Variants in TRMU observed in about 807,000 individuals in gnomAD.
The protein encoded by TRMU is mitochondrial tRNA-specific 2-thiouridylase 1.
TRMU carries 49 observed loss-of-function variants against 46.9 expected under a neutral mutation model. The ratio of observed to expected loss-of-function variants is 1.05; its 90% confidence interval spans 0.83 to 1.33. The LOEUF (loss-of-function observed/expected upper bound fraction) is 1.33. Ranked by LOEUF, TRMU falls within the 40% of genes most tolerant of loss-of-function variation. The pLI is 0.00. For synonymous variants in TRMU, 241 were observed against 200.9 expected, an observed-to-expected ratio of 1.20 and a Z score of -1.69; for missense variants, 572 against 532.4, an observed-to-expected ratio of 1.07 and a Z score of -0.73.
chr22:46,348,043 C>T lies in TRMU; in HGVS notation c.478+1499C>T, dbSNP rs1269247857. ...AGCAGCCCACTCCCGTAAGACAGCCCCCCATTTCAGGAAGACATGGGTTTG... is the reference window on the plus strand; with the variant it reads ...AGCAGCCCACTCCCGTAAGACAGCCTCCCATTTCAGGAAGACATGGGTTTG... On this transcript the variant is annotated intron_variant, in intron 4 of 10. Transcript: ENST00000645190. The surrounding 1 kb of genome is among the most constrained non-coding windows in gnomAD (Gnocchi z 4.8). Among the ~76,000 whole-genome samples the T allele has an allele frequency of 6.6e-6, 1 of 151,640 alleles. No individual in the cohort carries two copies. The highest frequency in any genetic ancestry group is 1.5e-5 in the Non-Finnish European group (1 of 67,838).
In TRMU at chr22:46,338,753, T is replaced by C. The variant is rs183291325; in HGVS notation, c.248+809T>C. ...TTTGGCTGGACTTTTGTTCCTGCAG[T>C]GGAAGGAGTGTAGGGCTCATCCTCT... On this transcript the variant is annotated intron_variant, in intron 2 of 10. Transcript: ENST00000645190. The surrounding 1 kb of genome is among the most constrained non-coding windows in gnomAD (Gnocchi z 4.5). Among the ~76,000 whole-genome samples, 1 of 152,268 alleles carries C rather than the reference T, an allele frequency of 6.6e-6. No individual in the cohort carries two copies. Among genetic ancestry groups the C allele is most frequent in the Non-Finnish European group, 1.5e-5 (1 of 68,016 alleles).
rs12159706 is a variant in TRMU, at chr22:46,352,547, G to A, written c.772+217G>A. On this transcript the variant is annotated intron_variant, in intron 7 of 10. Transcript: ENST00000645190. ...CAGATGTGGCCTCAGCTGAGATGCT[G>A]GAGTTCATGAAAAGCGCGCCTCTGA... The A allele has an allele frequency of 0.022, 13,620 of 622,202 alleles. 1,310 individuals are homozygous for A. The highest frequency in any genetic ancestry group is 0.21 in the African/African-American group (11,426 of 54,388). The allele number at this position is 622,202 out of a possible 1,614,324, so 38.5% of individuals were successfully genotyped here. A position where few individuals can be genotyped will look rare whatever the true frequency, so the allele number is the denominator to read the frequency against.
chr22:46,343,214 T>TTTTTG, intron 2 of TRMU, 48 bp from the exon 3 acceptor site: 1 of 1,308,244 alleles, frequency 7.6e-7, no homozygotes. Flanking sequence ...TTTTTTTTTT[T>TTTTTG]GAGGAATGTT....
At chr22:46,341,155 T>A (rs1355983247) in intron 2 of TRMU, among the ~76,000 whole-genome samples, 1 of 152,372 alleles carries the variant, frequency 6.6e-6, no homozygotes, top group East Asian at 1.9e-4. Flanking sequence ...GCTGGGCTAC[T>A]CCATTGTTTT....
Position 46,350,361 on chromosome 22 carries a change from T to G in TRMU, c.549T>G (p.Asp183Glu), listed in dbSNP as rs575463891. ...TCTTTCTCAGCCAGGTTTCCCAGGA[T>G]GCCCTGAGGAGAACCATCTTCCCTC... ...QTFFLSQVSQ[D>E]ALRRTIFPLG... Residue 183 changes from aspartate (D) to glutamate (E), a missense_variant, in exon 5 of 11, where the codon GAT (aspartate) becomes GAG (glutamate). Asp to Glu is a conservative substitution (Grantham distance 45). Transcript: ENST00000645190. This position sits in a 1 kb window ranked among gnomAD's most constrained non-coding sequence, Gnocchi z 4.6. 1.4e-5 allele frequency: 23 copies of G among 1,614,254 alleles called. No homozygotes were observed. In the East Asian group the frequency reaches 5.1e-4, roughly 36 times the overall value.
At position 46,356,850 on chromosome 22, in the gene TRMU, G is replaced by T. The variant is rs749736371; in HGVS notation, c.1110G>T (p.Val370=). Residue 370 remains valine, a synonymous_variant, in exon 11 of 11, where the codon GTG becomes GTT. Coordinates refer to ENST00000645190, the MANE Select transcript of TRMU (RefSeq NM_018006.5). ...VRALATGQFA[V]FYKGDECLGS... is the part of the protein sequence containing the mutation. Reference sequence around the variant, plus strand: ...GGGTCTCTCCCCTACAGTTTGCTGTGTTCTACAAGGGGGACGAGTGCCTGG... The same window carrying T: ...GGGTCTCTCCCCTACAGTTTGCTGTTTTCTACAAGGGGGACGAGTGCCTGG... 6.2e-7 allele frequency: 1 copy of T among 1,613,286 alleles called. No individual in the cohort carries two copies.
Position 46,336,169 on chromosome 22 carries a change from C to T in TRMU, c.82+323C>T. The stretch of plus-strand genomic sequence containing the variant: ...AGGGTTTCTCACGGATCTGCGGCGT[C>T]CACATTCACCTGTGAGACCGTGGAC... On this transcript the variant is annotated intron_variant, in intron 1 of 10. Coordinates refer to ENST00000645190, the MANE Select transcript of TRMU (RefSeq NM_018006.5). This position sits in a 1 kb window ranked among gnomAD's most constrained non-coding sequence, Gnocchi z 4.1. 1.6e-6 allele frequency: 2 copies of T among 1,238,524 alleles called. No individual in the cohort carries two copies. Among genetic ancestry groups the T allele is most frequent in the African/African-American group, 1.6e-5 (1 of 62,016 alleles). The allele number at this position is 1,238,524 out of a possible 1,614,324, so 76.7% of individuals were successfully genotyped here.
intron 1 of TRMU, 129 bp from the exon 2 acceptor site, chr22:46,337,650 C>T: frequency 1.6e-6 from 2 of 1,213,580 alleles, no homozygotes. Flanking sequence ...AAAGCAGGGA[C>T]TGCCCGGCAG....
At chr22:46,337,735 A>G in intron 1 of TRMU, 44 bp from the exon 2 acceptor site, 1 of 1,612,738 alleles carries the variant, frequency 6.2e-7, no homozygotes, top group Non-Finnish European at 8.5e-7. Flanking sequence ...GTTTTACCGA[A>G]GGTTGATTTA....
intron 7 of TRMU, chr22:46,352,620 A>C (rs912458065): frequency 5.8e-5 from 30 of 518,678 alleles, no homozygotes; most frequent in Non-Finnish European, 9.5e-5. Flanking sequence ...CCCTGTAAAA[A>C]GAATGATTTC....
Position 46,352,210 on chromosome 22 carries a change from G to A in TRMU, c.705+36G>A, listed in dbSNP as rs775037018. The A allele has an allele frequency of 9.9e-6, 16 of 1,614,022 alleles. No individual in the cohort carries two copies. In the African/African-American group the frequency reaches 2.1e-4, roughly 22 times the overall value. ...CTCTTTGACACAAAGAGATGGGGCT[G>A]CGTGTCTGCCCTGGGCCTAGATCTC... On this transcript the variant is annotated intron_variant, in intron 6 of 10. Transcript: ENST00000645190.
At chr22:46,341,501 T>C (rs2078122212) in intron 2 of TRMU, among the ~76,000 whole-genome samples, 1 of 152,096 alleles carries the variant, frequency 6.6e-6, no homozygotes. Flanking sequence ...GTGGAAGATA[T>C]CCAAGGAACC....
chr22:46,337,531 G>C (rs1244013900), intron 1 of TRMU, among the ~76,000 whole-genome samples: 1 of 152,162 alleles, frequency 6.6e-6, no homozygotes, highest in Non-Finnish European at 1.5e-5. Context: ...CCTCCTGCTA[G>C]GTATTGTGCT....
intron 2 of TRMU, among the ~76,000 whole-genome samples, chr22:46,341,161 G>A (rs1416660666): frequency 2.6e-5 from 4 of 152,176 alleles, no homozygotes; most frequent in Non-Finnish European, 4.4e-5. Flanking sequence ...CTACTCCATT[G>A]TTTTTGCTAA....
chr22:46,336,090 A>T lies in TRMU; in HGVS notation c.82+244A>T. ...AGCAGTTCCGCGCCCCTCTCCACCC[A>T]CGCGCGCCCACCCACAGTGAGAAGC... On this transcript the variant is annotated intron_variant, in intron 1 of 10. Coordinates refer to ENST00000645190, the MANE Select transcript of TRMU (RefSeq NM_018006.5). This position sits in a 1 kb window ranked among gnomAD's most constrained non-coding sequence, Gnocchi z 4.1. 7.5e-7 allele frequency: 1 copy of T among 1,325,870 alleles called. No individual in the cohort carries two copies. Among genetic ancestry groups the T allele is most frequent in the South Asian group, 1.7e-5 (1 of 60,154 alleles). 82.1% of individuals were successfully genotyped at this position (1,325,870 alleles called of 1,614,324 possible). A position where few individuals can be genotyped will look rare whatever the true frequency, so the allele number is the denominator to read the frequency against.
intron 3 of TRMU, among the ~76,000 whole-genome samples, chr22:46,344,127 G>T (rs1373483513): frequency 2.0e-5 from 3 of 152,176 alleles, no homozygotes; most frequent in African/African-American, 7.2e-5. Flanking sequence ...TGCTAACTAG[G>T]TTCAGTAATT....
At chr22:46,346,372 CT>C (rs2078257858) in intron 3 of TRMU, 49 bp from the exon 4 acceptor site, 1 of 1,597,684 alleles carries the variant, frequency 6.3e-7, no homozygotes, top group Non-Finnish European at 8.5e-7. Context: ...TGATCAAGGC[CT>C]GCAAGTATGA....
Position 46,338,098 on chromosome 22 carries a change from C to G in TRMU, c.248+154C>G, listed in dbSNP as rs1189881586. 7 of 1,043,104 alleles carry G rather than the reference C, an allele frequency of 6.7e-6. No homozygotes were observed. The highest frequency in any genetic ancestry group is 1.0e-5 in the Non-Finnish European group (7 of 686,246). 64.6% of individuals were successfully genotyped at this position (1,043,104 alleles called of 1,614,324 possible). On this transcript the variant is annotated intron_variant, in intron 2 of 10. Coordinates refer to ENST00000645190, the MANE Select transcript of TRMU (RefSeq NM_018006.5). This position sits in a 1 kb window ranked among gnomAD's most constrained non-coding sequence, Gnocchi z 4.5. ...GACTGCAAGAGGCCTCAGCCACCCT[C>G]GGGGCTCTGTGTTAGAGGCGAGGCC...
At position 46,357,146 on chromosome 22, in the gene TRMU, C is replaced by T; in HGVS notation, c.*140C>T. 5 of 1,201,940 alleles carry T rather than the reference C, an allele frequency of 4.2e-6. No individual in the cohort carries two copies. Among genetic ancestry groups the T allele is most frequent in the Non-Finnish European group, 5.9e-6 (5 of 844,728 alleles). The allele number at this position is 1,201,940 out of a possible 1,614,324, so 74.5% of individuals were successfully genotyped here. A position where few individuals can be genotyped will look rare whatever the true frequency, so the allele number is the denominator to read the frequency against. On this transcript the variant is annotated 3_prime_UTR_variant, in exon 11 of 11. Coordinates refer to ENST00000645190, the MANE Select transcript of TRMU (RefSeq NM_018006.5). ...GCTGGCTGAGGGTCCGAAAAGCCTG[C>T]AGGGGCCCGGCGAGCCCCAGGAAGA... is the stretch of plus-strand genomic sequence containing the variant.
Sources: allele counts gnomAD v4.1 joint callset (sites outside exome capture counted in the v4.1 genomes callset), GRCh38; gene constraint gnomAD v4.1.1; non-coding constraint Gnocchi (gnomAD v3.1); transcripts MANE v1.5; gene names NCBI Gene and HGNC (gene_info 2026-07-23, HGNC 2026-07-21).